PIK3AP1: variants seen among roughly 807,000 people sequenced by gnomAD.
The protein encoded by PIK3AP1 is phosphoinositide 3-kinase adapter protein 1.
A neutral mutation model predicts 88.1 loss-of-function variants in PIK3AP1; 21 were observed. That is an observed-to-expected ratio of 0.24 (90% CI 0.17 to 0.34). PIK3AP1 has a LOEUF of 0.34. Among genes scored for constraint, PIK3AP1 ranks in the 10% least tolerant of loss-of-function variants. PIK3AP1 has a pLI of 1.00. For missense variants in PIK3AP1, 828 were observed against 1,035.7 expected (o/e 0.80, Z 2.75); for synonymous variants, 398 against 400.0 (o/e 1.00, Z 0.06).
intron 2 of PIK3AP1, among the ~76,000 whole-genome samples, chr10:96,703,202 T>C (rs1170015934): frequency 6.6e-6 from 1 of 152,106 alleles, no homozygotes; most frequent in Non-Finnish European, 1.5e-5. Context: ...TAAACTGTAG[T>C]TTAATATTCA....
intron 13 of PIK3AP1, among the ~76,000 whole-genome samples, chr10:96,614,280 C>A (rs1379644780): frequency 6.6e-6 from 1 of 152,064 alleles, no homozygotes; most frequent in Non-Finnish European, 1.5e-5. Context: ...ATGTCTCATT[C>A]CATCAAGGCT....
At chr10:96,711,623 T>C (rs1454141940) in intron 1 of PIK3AP1, among the ~76,000 whole-genome samples, 3 of 151,782 alleles carry the variant, frequency 2.0e-5, no homozygotes, top group Admixed American at 2.0e-4. Context: ...GAAAAGATCA[T>C]AGGATGAATC....
intron 8 of PIK3AP1, among the ~76,000 whole-genome samples, chr10:96,638,077 A>AT (rs1348214386): frequency 1.3e-5 from 2 of 152,282 alleles, no homozygotes; most frequent in Admixed American, 6.5e-5. Context: ...GAATGAATGT[A>AT]TTTTGCATGT....
intron 2 of PIK3AP1, among the ~76,000 whole-genome samples, chr10:96,694,401 A>G (rs931527571): frequency 6.6e-6 from 1 of 152,158 alleles, no homozygotes; most frequent in Non-Finnish European, 1.5e-5. Context: ...TGGGCAAGTC[A>G]TCTAACCCCT....
At chr10:96,650,020 G>A (rs902388994) in intron 6 of PIK3AP1, among the ~76,000 whole-genome samples, 2 of 152,090 alleles carry the variant, frequency 1.3e-5, no homozygotes, top group Non-Finnish European at 2.9e-5. Flanking sequence ...TTTTTAACAT[G>A]ACAAACCCAG....
chr10:96,628,801 A>G (rs1234447821), intron 8 of PIK3AP1, among the ~76,000 whole-genome samples: 1 of 150,580 alleles, frequency 6.6e-6, no homozygotes, highest in Non-Finnish European at 1.5e-5. Flanking sequence ...TTATTACAGA[A>G]AAAAATGGAA....
Position 96,609,777 on chromosome 10 carries a change from A to T in PIK3AP1, c.2105T>A (p.Val702Asp), listed in dbSNP as rs746240077. Reference protein sequence around the residue: ...GVYESGPRKSVIPPRTELRRG... With the variant: ...GVYESGPRKSDIPPRTELRRG... Reference sequence around the variant, plus strand: ...TCTCAGCTCCGTCCTAGGGGGAATGACACTTTTCCTGGGGCCACTCTCATA... The same window carrying T: ...TCTCAGCTCCGTCCTAGGGGGAATGTCACTTTTCCTGGGGCCACTCTCATA... Residue 702 changes from valine to aspartate, a missense_variant, in exon 14 of 17, where the codon GTC becomes GAC. Physicochemically the swap from Val to Asp is radical, Grantham distance 152. This residue lies in a region of PIK3AP1 where 191 missense variants were observed against 208.6 expected (regional missense o/e 0.92). Coordinates refer to ENST00000339364, the MANE Select transcript of PIK3AP1 (RefSeq NM_152309.3). 2.5e-6 allele frequency: 4 copies of T among 1,614,086 alleles called. No homozygotes were observed. Among genetic ancestry groups the T allele is most frequent in the Non-Finnish European group, 3.4e-6 (4 of 1,180,012 alleles).
chr10:96,714,363 T>C (rs1371410325), intron 1 of PIK3AP1, among the ~76,000 whole-genome samples: 1 of 152,212 alleles, frequency 6.6e-6, no homozygotes, highest in Non-Finnish European at 1.5e-5. Context: ...ACATTAAAAC[T>C]CGTTGAAGAT....
intron 13 of PIK3AP1, among the ~76,000 whole-genome samples, chr10:96,613,202 T>C (rs963103236): frequency 2.0e-4 from 30 of 151,744 alleles, no homozygotes; most frequent in Admixed American, 1.8e-3. Flanking sequence ...TTTTGCCATG[T>C]TGGCCAGGCT....
At chr10:96,677,615 ACACACACACAC>A (rs1843941967) in intron 2 of PIK3AP1, among the ~76,000 whole-genome samples, 2 of 151,854 alleles carry the variant, frequency 1.3e-5, no homozygotes, top group African/African-American at 4.8e-5. Flanking sequence ...ACACACACAC[ACACACACACAC>A]AAAAGGCCTT....
At chr10:96,602,441 A>G (rs920431261) in intron 15 of PIK3AP1, 43 bp from the exon 16 acceptor site, 2 of 1,514,472 alleles carry the variant, frequency 1.3e-6, no homozygotes, top group Admixed American at 1.7e-5. Flanking sequence ...AACTACATTC[A>G]GCAACCAGCA....
At chr10:96,657,262 G>A (rs1051663428) in intron 2 of PIK3AP1, among the ~76,000 whole-genome samples, 1 of 152,120 alleles carries the variant, frequency 6.6e-6, no homozygotes, top group Non-Finnish European at 1.5e-5. Flanking sequence ...GAAGAGGAGT[G>A]AGGAAAGGAA....
intron 2 of PIK3AP1, among the ~76,000 whole-genome samples, chr10:96,676,020 T>C (rs771099680): frequency 6.6e-5 from 10 of 152,132 alleles, no homozygotes; most frequent in Non-Finnish European, 1.3e-4. Flanking sequence ...TTTCCCAGTT[T>C]GGCTCTTTCC....
At chr10:96,646,127 G>A (rs1286694813) in intron 7 of PIK3AP1, among the ~76,000 whole-genome samples, 2 of 152,118 alleles carry the variant, frequency 1.3e-5, no homozygotes, top group African/African-American at 4.8e-5. Flanking sequence ...GGGCATGGTG[G>A]AGCACGCTTG....
At chr10:96,687,396 A>T (rs1329044442) in intron 2 of PIK3AP1, among the ~76,000 whole-genome samples, 1 of 152,022 alleles carries the variant, frequency 6.6e-6, no homozygotes. Flanking sequence ...ATTAAGAAAA[A>T]CATCCATTTG....
intron 14 of PIK3AP1, among the ~76,000 whole-genome samples, chr10:96,605,779 C>T (rs1848991989): frequency 6.6e-6 from 1 of 152,076 alleles, no homozygotes; most frequent in Non-Finnish European, 1.5e-5. Flanking sequence ...CCAGGGGATG[C>T]AGAAATTGTT....
chr10:96,648,425 G>A (rs971689716), intron 7 of PIK3AP1, among the ~76,000 whole-genome samples: 1 of 152,198 alleles, frequency 6.6e-6, no homozygotes, highest in African/African-American at 2.4e-5. Flanking sequence ...GAAACTGAGA[G>A]AGGATACGTG....
chr10:96,685,879 C>G (rs1217015683), intron 2 of PIK3AP1, among the ~76,000 whole-genome samples: 1 of 152,128 alleles, frequency 6.6e-6, no homozygotes, highest in Non-Finnish European at 1.5e-5. Context: ...AACTAGCCAC[C>G]AACAGACTAA....
intron 10 of PIK3AP1, among the ~76,000 whole-genome samples, chr10:96,624,586 G>A (rs557403708): frequency 2.0e-5 from 3 of 152,048 alleles, no homozygotes; most frequent in Non-Finnish European, 4.4e-5. Context: ...CCAGCATTTT[G>A]GGAGGCCGAG....
Sources: allele counts gnomAD v4.1 joint callset (sites outside exome capture counted in the v4.1 genomes callset), GRCh38; gene constraint gnomAD v4.1.1; regional missense constraint gnomAD v4.1.1; transcripts MANE v1.5; gene names NCBI Gene and HGNC (gene_info 2026-07-23, HGNC 2026-07-21).